FOXN4: variants seen among roughly 807,000 people sequenced by gnomAD.
The protein encoded by FOXN4 is forkhead box N4.
A neutral mutation model predicts 45.0 loss-of-function variants in FOXN4; 12 were observed. The ratio of observed to expected loss-of-function variants is 0.27; its 90% CI spans 0.17 to 0.43. The LOEUF (loss-of-function observed/expected upper bound fraction) is 0.43, where lower values mean the gene tolerates loss of function less well. Ranked by LOEUF, FOXN4 falls within the 20% of genes least tolerant of loss-of-function variation. The pLI is 1.00. For missense variants in FOXN4, 560 were observed against 694.9 expected (o/e 0.81, Z 2.18); for synonymous variants, 297 against 295.0 (o/e 1.01, Z -0.07).
At chr12:109,286,262 T>A (rs2047709369) in intron 7 of FOXN4, among the ~76,000 whole-genome samples, 1 of 152,170 alleles carries the variant, frequency 6.6e-6, no homozygotes, top group African/African-American at 2.4e-5. Flanking sequence ...ATCTGCAGGA[T>A]CCTCACTGAC....
intron 2 of FOXN4, among the ~76,000 whole-genome samples, chr12:109,297,737 C>T (rs1051864774): frequency 6.6e-6 from 1 of 152,228 alleles, no homozygotes; most frequent in African/African-American, 2.4e-5. Context: ...TTCTCTTTCA[C>T]AAAACCAATC....
In FOXN4 at chr12:109,287,754, G is replaced by C; in HGVS notation, c.468+90C>G. ...GAGGGAATGTTATCCCCATGTGCTG[G>C]GTGAGTAAACTGAGGCTCAGAGGGG... On this transcript the variant is annotated intron_variant, in intron 5 of 9. Coordinates refer to ENST00000299162, the MANE Select transcript of FOXN4 (RefSeq NM_213596.3). The surrounding 1 kb of genome is among the most constrained non-coding windows in gnomAD (Gnocchi z 4.1). 8.0e-7 allele frequency: 1 copy of C among 1,247,732 alleles called. No homozygotes were observed. The highest frequency in any genetic ancestry group is 1.1e-6 in the Non-Finnish European group (1 of 918,108). 77.3% of individuals were successfully genotyped at this position (1,247,732 alleles called of 1,614,324 possible).
chr12:109,304,289 A>AAGAAAGAAAGAAAGAAAGAG (rs2047900134), intron 2 of FOXN4, among the ~76,000 whole-genome samples: 2 of 51,240 alleles, frequency 3.9e-5, no homozygotes, highest in African/African-American at 1.8e-4. Context: ...GAAAGAAAGA[A>AAGAAAGAAAGAAAGAAAGAG]AGAAAGGAGA....
At chr12:109,304,221 G>GAGAAAGAA (rs58280775) in intron 2 of FOXN4, among the ~76,000 whole-genome samples, 1,698 of 82,472 alleles carry the variant, frequency 0.021, 27 homozygotes, top group East Asian at 0.028. Flanking sequence ...AGAAAAGAAA[G>GAGAAAGAA]AGAAAGAAAG....
At chr12:109,284,805 CT>C in intron 8 of FOXN4, among the ~76,000 whole-genome samples, 1 of 147,734 alleles carries the variant, frequency 6.8e-6, no homozygotes, top group African/African-American at 2.5e-5. Flanking sequence ...ATGCTGTGGG[CT>C]ATCTGGGCCT....
chr12:109,280,956 G>A (rs181611596), intron 9 of FOXN4, among the ~76,000 whole-genome samples: 2 of 152,272 alleles, frequency 1.3e-5, no homozygotes, highest in Admixed American at 6.5e-5. Flanking sequence ...GTTTAACTCC[G>A]GACTCTGCCA....
intron 8 of FOXN4, 44 bp from the exon 9 acceptor site, chr12:109,281,843 T>C (rs1288831163): frequency 6.6e-7 from 1 of 1,513,356 alleles, no homozygotes; most frequent in Non-Finnish European, 8.8e-7. Flanking sequence ...ACCCAGCAGT[T>C]ACCGGGCCCC....
intron 1 of FOXN4, 134 bp from the exon 2 acceptor site, chr12:109,308,458 A>G (rs2047940354): frequency 1.7e-6 from 1 of 574,184 alleles, no homozygotes; most frequent in Non-Finnish European, 3.0e-6. Context: ...TCTTTAAAGA[A>G]AAAAGTTCTA....
At position 109,287,829 on chromosome 12, in the gene FOXN4, C is replaced by T; in HGVS notation, c.468+15G>A. The stretch of plus-strand genomic sequence containing the variant: ...GTCTGCTGCTCAGTCCAGGGCTCCC[C>T]TGAGCCCTTGGTACCTGCTGGGCAC... On this transcript the variant is annotated intron_variant, in intron 5 of 9. Transcript: ENST00000299162. This position sits in a 1 kb window ranked among gnomAD's most constrained non-coding sequence, Gnocchi z 4.1. 3 of 1,544,594 alleles carry T rather than the reference C, an allele frequency of 1.9e-6. No individual in the cohort carries two copies. The highest frequency in any genetic ancestry group is 2.6e-6 in the Non-Finnish European group (3 of 1,144,376).
chr12:109,309,098 G>T lies in FOXN4; in HGVS notation c.-4+21C>A, dbSNP rs2047945582. 1 of 152,158 alleles carries T rather than the reference G, an allele frequency of 6.6e-6. No homozygotes were observed. Among genetic ancestry groups the T allele is most frequent in the South Asian group, 2.1e-4 (1 of 4,826 alleles). The allele number at this position is 152,158 out of a possible 1,614,324, so 9.4% of individuals were successfully genotyped here. ...GCATTGCCCGGGAGGAGGGAGCAAA[G>T]CCGACCCTGCAAGGCGGTACCTGGA... On this transcript the variant is annotated intron_variant, in intron 1 of 9. Transcript: ENST00000299162. This position sits in a 1 kb window ranked among gnomAD's most constrained non-coding sequence, Gnocchi z 5.0.
rs1489009862 is a variant in FOXN4, at chr12:109,291,953, G to A, written c.87-1667C>T. On this transcript the variant is annotated intron_variant, in intron 2 of 9. Coordinates refer to ENST00000299162, the MANE Select transcript of FOXN4 (RefSeq NM_213596.3). This position sits in a 1 kb window ranked among gnomAD's most constrained non-coding sequence, Gnocchi z 6.6. ...CCACCCCTCCGGCCGCCACCCCTCC[G>A]GCTGCCACCCCTCCGGCCTGCTCGT... Among the ~76,000 whole-genome samples, 1 of 150,266 alleles carries A rather than the reference G, an allele frequency of 6.7e-6. No homozygotes were observed. Among genetic ancestry groups the A allele is most frequent in the African/African-American group, 2.5e-5 (1 of 39,938 alleles).
rs552977137 is a variant in FOXN4 at position 109,287,496 on chromosome 12, G to A, written c.497C>T (p.Pro166Leu). The A allele has an allele frequency of 3.2e-6, 5 of 1,547,408 alleles. No homozygotes were observed. The Admixed American group carries it at 6.0e-5, about 18-fold the overall frequency. Residue 166 changes from proline to leucine, a missense_variant, in exon 6 of 10, where the codon CCA becomes CTA. Coordinates refer to ENST00000299162, the MANE Select transcript of FOXN4 (RefSeq NM_213596.3). This position sits in a 1 kb window ranked among gnomAD's most constrained non-coding sequence, Gnocchi z 4.1. The part of the protein sequence containing the change: ...QCPPVGLYGP[P>L]FGVRPPYPQP... ...GGGGTAGGGGGGCCGCACCCCAAAT[G>A]GGGGGCCATAGAGGCCCACAGGAGG... is the stretch of plus-strand genomic sequence containing the variant.
intron 9 of FOXN4, among the ~76,000 whole-genome samples, chr12:109,280,421 T>A (rs1176321464): frequency 6.6e-6 from 1 of 150,456 alleles, no homozygotes. Flanking sequence ...CCACTGAATG[T>A]CCTTGGGAAA....
At position 109,287,287 on chromosome 12, in the gene FOXN4, C is replaced by A. The variant is rs1162570062; in HGVS notation, c.596+110G>T. On this transcript the variant is annotated intron_variant, in intron 6 of 9. Coordinates refer to ENST00000299162, the MANE Select transcript of FOXN4 (RefSeq NM_213596.3). This position sits in a 1 kb window ranked among gnomAD's most constrained non-coding sequence, Gnocchi z 4.1. The stretch of plus-strand genomic sequence containing the variant: ...GGTTCCCCACTCCCCAAAACCTCCC[C>A]CTTGGAAGTCTGGGCTGCCACACTA... 1.4e-6 allele frequency: 2 copies of A among 1,425,756 alleles called. No homozygotes were observed. Among genetic ancestry groups the A allele is most frequent in the African/African-American group, 2.9e-5 (2 of 69,764 alleles). The allele number at this position is 1,425,756 out of a possible 1,614,324, so 88.3% of individuals were successfully genotyped here.
chr12:109,303,623 C>T (rs1007056320), intron 2 of FOXN4, among the ~76,000 whole-genome samples: 5 of 152,132 alleles, frequency 3.3e-5, no homozygotes, highest in African/African-American at 9.7e-5. Context: ...ACATCCAGCA[C>T]GAGGATCCAG....
At position 109,287,501 on chromosome 12, in the gene FOXN4, G is replaced by A. The variant is rs1029278012; in HGVS notation, c.492C>T (p.Gly164=). The A allele has an allele frequency of 7.8e-6, 12 of 1,544,146 alleles. No individual in the cohort carries two copies. In the Admixed American group the frequency reaches 1.4e-4, roughly 18 times the overall value. The change falls in exon 6 of 10, where the codon GGC becomes GGT. Residue 164 remains glycine, a synonymous_variant. Coordinates refer to ENST00000299162, the MANE Select transcript of FOXN4 (RefSeq NM_213596.3). The surrounding 1 kb of genome is among the most constrained non-coding windows in gnomAD (Gnocchi z 4.1). ...AGGGGGGCCGCACCCCAAATGGGGGGCCATAGAGGCCCACAGGAGGGCACT... is the reference window on the plus strand; with the variant it reads ...AGGGGGGCCGCACCCCAAATGGGGGACCATAGAGGCCCACAGGAGGGCACT... ...AQQCPPVGLY[G]PPFGVRPPYP...
At chr12:109,284,418 A>AG (rs1232027306) in intron 8 of FOXN4, among the ~76,000 whole-genome samples, 2 of 151,828 alleles carry the variant, frequency 1.3e-5, no homozygotes, top group Non-Finnish European at 2.9e-5. Flanking sequence ...GGCTGGGAGG[A>AG]GGGGCGCGTG....
intron 2 of FOXN4, among the ~76,000 whole-genome samples, chr12:109,304,250 A>G (rs1412596726): frequency 3.1e-4 from 30 of 95,582 alleles, no homozygotes; most frequent in Admixed American, 2.3e-4. Context: ...AAAGAAAGAA[A>G]GAAAGAAAGA....
chr12:109,284,433 GTGTGTGCATGCATA>G (rs1292470837), intron 8 of FOXN4, among the ~76,000 whole-genome samples: 1 of 145,478 alleles, frequency 6.9e-6, no homozygotes, highest in African/African-American at 2.7e-5. Flanking sequence ...CGCGTGGTGT[GTGTGTGCATGCATA>G]TGTGTGCGTG....
Sources: gnomAD v4.1 joint callset for allele counts (sites outside exome capture counted in the v4.1 genomes callset) on GRCh38, gnomAD v4.1.1 for gene constraint, Gnocchi (gnomAD v3.1) non-coding constraint, MANE v1.5 for transcripts, NCBI Gene and HGNC (gene_info 2026-07-23, HGNC 2026-07-21) for gene names.